Variants in DISP1 observed in about 807,000 individuals in gnomAD.
DISP1 encodes protein dispatched homolog 1.
A neutral mutation model predicts 37.3 loss-of-function variants in DISP1; 30 were observed. The observed-to-expected ratio is 0.80, with a 90% CI of 0.60 to 1.09. The LOEUF (loss-of-function observed/expected upper bound fraction) is 1.09. DISP1 is among the 50% of genes least tolerant of loss of function. DISP1 has a pLI of 0.00. For synonymous variants in DISP1, 634 were observed against 690.2 expected, an observed-to-expected ratio of 0.92 and a Z score of 1.28; for missense variants, 1,598 against 1,879.5, an observed-to-expected ratio of 0.85 and a Z score of 2.77.
intron 1 of DISP1, among the ~76,000 whole-genome samples, chr1:222,917,053 C>T (rs1317773345): frequency 6.6e-6 from 1 of 152,144 alleles, no homozygotes; most frequent in Non-Finnish European, 1.5e-5. Context: ...TAATGTGAAC[C>T]TGTGATCAAT....
chr1:222,823,206 A>G (rs1015131000), intron 1 of DISP1, among the ~76,000 whole-genome samples: 2 of 152,222 alleles, frequency 1.3e-5, no homozygotes, highest in Non-Finnish European at 2.9e-5. Flanking sequence ...ATTAATCATT[A>G]TATCAGAAAG....
intron 1 of DISP1, among the ~76,000 whole-genome samples, chr1:222,873,532 C>T (rs1427744148): frequency 4.6e-5 from 7 of 152,120 alleles, no homozygotes; most frequent in Non-Finnish European, 1.5e-5. Flanking sequence ...TATGTAATGG[C>T]CTTCTTTGTC....
At position 222,893,801 on chromosome 1, in the gene DISP1, G is replaced by A. The variant is rs1033892460; in HGVS notation, c.-158-34629G>A. Among the ~76,000 whole-genome samples, 3 of 152,308 alleles carry A rather than the reference G, an allele frequency of 2.0e-5. No homozygotes were observed. The highest frequency in any genetic ancestry group is 4.4e-5 in the Non-Finnish European group (3 of 68,030). The stretch of plus-strand genomic sequence containing the variant: ...CTTGTTGCCCACAACGTGGCTAATG[G>A]AGTGGGGGCGTGTTTCAGCCCTGTT... On this transcript the variant is annotated intron_variant, in intron 1 of 8. Coordinates refer to ENST00000675850, the MANE Select transcript of DISP1 (RefSeq NM_001377229.1). This position sits in a 1 kb window ranked among gnomAD's most constrained non-coding sequence, Gnocchi z 4.3.
At chr1:222,846,087 C>T (rs1667879047) in intron 1 of DISP1, among the ~76,000 whole-genome samples, 1 of 152,144 alleles carries the variant, frequency 6.6e-6, no homozygotes. Context: ...TCATTTAGGT[C>T]TATAATGCAT....
chr1:222,963,734 G>T (rs115417512), intron 3 of DISP1, among the ~76,000 whole-genome samples: 3 of 151,748 alleles, frequency 2.0e-5, no homozygotes, highest in Non-Finnish European at 4.4e-5. Flanking sequence ...ATGGACACTG[G>T]GGGGGAACAA....
At chr1:222,960,051 A>G (rs1427399978) in intron 3 of DISP1, among the ~76,000 whole-genome samples, 2 of 152,172 alleles carry the variant, frequency 1.3e-5, no homozygotes, top group African/African-American at 4.8e-5. Flanking sequence ...ACACCCCACT[A>G]TCAATATTAG....
intron 2 of DISP1, among the ~76,000 whole-genome samples, chr1:222,931,686 T>G (rs1214868593): frequency 0.1 from 1 of 10 alleles, no homozygotes; most frequent in African/African-American, 0.5. Context: ...ACCAGGAATC[T>G]TTTTTTTTTT....
intron 4 of DISP1, among the ~76,000 whole-genome samples, chr1:222,984,949 T>C (rs1678163262): frequency 6.6e-6 from 1 of 152,236 alleles, no homozygotes; most frequent in Non-Finnish European, 1.5e-5. Flanking sequence ...TTCATTCATG[T>C]AGCATGTATT....
At chr1:222,824,289 G>T (rs531527038) in intron 1 of DISP1, among the ~76,000 whole-genome samples, 2 of 152,212 alleles carry the variant, frequency 1.3e-5, no homozygotes, top group East Asian at 3.9e-4. Context: ...GCCAGACACT[G>T]CAGTGAGCAT....
intron 2 of DISP1, among the ~76,000 whole-genome samples, chr1:222,938,867 T>C (rs900714754): frequency 1.3e-5 from 2 of 151,678 alleles, no homozygotes; most frequent in African/African-American, 4.8e-5. Context: ...AATACTTTCC[T>C]ATTCTGGCTG....
intron 3 of DISP1, among the ~76,000 whole-genome samples, chr1:222,950,091 T>C (rs1292683312): frequency 6.6e-6 from 1 of 152,134 alleles, no homozygotes; most frequent in African/African-American, 2.4e-5. Context: ...AAACAATAAA[T>C]AACTCTAAGA....
rs1361024852 is a variant in DISP1, at chr1:222,840,486, A to T, written c.-159+25408A>T. Among the ~76,000 whole-genome samples the T allele has an allele frequency of 3.3e-4, 48 of 145,118 alleles. No homozygotes were observed. The Admixed American group carries it at 3.3e-3, about 10-fold the overall frequency. On this transcript the variant is annotated intron_variant, in intron 1 of 8. Coordinates refer to ENST00000675850, the MANE Select transcript of DISP1 (RefSeq NM_001377229.1). Reference sequence around the variant, plus strand: ...TTGAACTCCTGACCCCAAGTGATCCACCCACTGAGCCTCCCAAAGTACTAG... The same window carrying T: ...TTGAACTCCTGACCCCAAGTGATCCTCCCACTGAGCCTCCCAAAGTACTAG...
At chr1:222,942,768 C>A (rs1234089109) in intron 2 of DISP1, 39 bp from the exon 3 acceptor site, 5 of 1,611,948 alleles carry the variant, frequency 3.1e-6, no homozygotes, top group Non-Finnish European at 4.2e-6. Flanking sequence ...ATTTGCCTGC[C>A]TGACTGTAAC....
In DISP1 at chr1:223,005,951, TTTG is replaced by T. The variant is rs753844157; in HGVS notation, c.4557_4559del (p.Leu1520del). 5.0e-4 allele frequency: 813 copies of T among 1,613,712 alleles called. No homozygotes were observed. Among genetic ancestry groups the T allele is most frequent in the Non-Finnish European group, 5.2e-4 (615 of 1,179,988 alleles). ...CACACTCGGAACTTTCTGGTGAAAG[TTTG>T]TTAATAAAAACACTATAATAAATGC... On this transcript the variant is annotated inframe_deletion, in exon 9 of 9. Coordinates refer to ENST00000675850, the MANE Select transcript of DISP1 (RefSeq NM_001377229.1).
intron 1 of DISP1, among the ~76,000 whole-genome samples, chr1:222,858,078 C>G (rs1279835636): frequency 6.6e-6 from 1 of 152,090 alleles, no homozygotes; most frequent in Non-Finnish European, 1.5e-5. Flanking sequence ...GGCACCAGTA[C>G]AAAAACAGAC....
At chr1:222,991,306 A>T (rs1678678816) in intron 5 of DISP1, among the ~76,000 whole-genome samples, 1 of 152,256 alleles carries the variant, frequency 6.6e-6, no homozygotes, top group Non-Finnish European at 1.5e-5. Context: ...TAACATACCA[A>T]AGAATCAAAC....
chr1:222,928,555 C>A lies in DISP1; in HGVS notation c.-33C>A, dbSNP rs894105963. On this transcript the variant is annotated 5_prime_UTR_variant, in exon 2 of 9. Coordinates refer to ENST00000675850, the MANE Select transcript of DISP1 (RefSeq NM_001377229.1). Reference sequence around the variant, plus strand: ...CACCAAACTGAGCCAGAGAAGTTCCCTCTTTTAACATAAAGGTAATACATT... The same window carrying A: ...CACCAAACTGAGCCAGAGAAGTTCCATCTTTTAACATAAAGGTAATACATT... 6.6e-6 allele frequency: 1 copy of A among 152,190 alleles called. No homozygotes were observed. The highest frequency in any genetic ancestry group is 2.4e-5 in the African/African-American group (1 of 41,452). The allele number at this position is 152,190 out of a possible 1,614,324, so 9.4% of individuals were successfully genotyped here. A position where few individuals can be genotyped will look rare whatever the true frequency, so the allele number is the denominator to read the frequency against.
chr1:222,874,386 A>C (rs1277858530), intron 1 of DISP1, among the ~76,000 whole-genome samples: 1 of 151,740 alleles, frequency 6.6e-6, no homozygotes, highest in Admixed American at 6.6e-5. Context: ...ACTTGGTTCC[A>C]TTCTCCCCAT....
rs184346563 is a variant in DISP1, at chr1:222,870,390, G to C, written c.-159+55312G>C. Among the ~76,000 whole-genome samples the C allele has an allele frequency of 3.0e-3, 453 of 152,290 alleles. 3 individuals carry two copies. Among genetic ancestry groups the C allele is most frequent in the African/African-American group, 0.011 (440 of 41,552 alleles). ...ACTGACTTCCACAATGGTTGAACTA[G>C]TTTACAGTCCCACCAACAGTGTAAA... On this transcript the variant is annotated intron_variant, in intron 1 of 8. Coordinates refer to ENST00000675850, the MANE Select transcript of DISP1 (RefSeq NM_001377229.1).
Sources: gnomAD v4.1 joint callset for allele counts (sites outside exome capture counted in the v4.1 genomes callset) on GRCh38, gnomAD v4.1.1 for gene constraint, Gnocchi (gnomAD v3.1) non-coding constraint, MANE v1.5 for transcripts, NCBI Gene and HGNC (gene_info 2026-07-23, HGNC 2026-07-21) for gene names.